Variants in WIPF1 observed in about 807,000 individuals in gnomAD.
WIPF1 encodes the protein WAS/WASL interacting protein family member 1.
In WIPF1, 13 loss-of-function variants were observed where a neutral mutation model predicts 35.4. The observed-to-expected ratio is 0.37, with a 90% CI of 0.24 to 0.58. The LOEUF is 0.58. Among genes scored for constraint, WIPF1 ranks in the 20% least tolerant of loss-of-function variants. WIPF1 has a pLI of 0.74. For synonymous variants in WIPF1, 267 were observed against 266.3 expected, an observed-to-expected ratio of 1.00 and a Z score of -0.02; for missense variants, 591 against 667.0, an observed-to-expected ratio of 0.89 and a Z score of 1.25.
At chr2:174,680,745 C>G (rs1351902398) in intron 1 of WIPF1, among the ~76,000 whole-genome samples, 8 of 152,176 alleles carry the variant, frequency 5.3e-5, no homozygotes, top group East Asian at 1.9e-4. Flanking sequence ...ACTACCCTCT[C>G]TTCACCACCC....
chr2:174,603,735 G>C (rs1321262383), intron 1 of WIPF1, among the ~76,000 whole-genome samples: 1 of 152,170 alleles, frequency 6.6e-6, no homozygotes, highest in Non-Finnish European at 1.5e-5. Context: ...AGATGGGTGA[G>C]AGTCAAATAA....
intron 1 of WIPF1, among the ~76,000 whole-genome samples, chr2:174,650,047 G>A (rs140678526): frequency 3.2e-4 from 48 of 152,284 alleles, no homozygotes; most frequent in African/African-American, 1.1e-3. Context: ...CCAAGCTGAT[G>A]AAGTAAAGAT....
intron 1 of WIPF1, among the ~76,000 whole-genome samples, chr2:174,647,682 G>A (rs1687440438): frequency 1.3e-5 from 2 of 148,278 alleles, no homozygotes; most frequent in Admixed American, 1.3e-4. Flanking sequence ...AACGGCATAT[G>A]AATTACATCT....
intron 1 of WIPF1, among the ~76,000 whole-genome samples, chr2:174,596,397 T>C (rs1254895298): frequency 6.6e-6 from 1 of 152,204 alleles, no homozygotes; most frequent in Admixed American, 6.5e-5. Flanking sequence ...TCCAAGTGAA[T>C]TGTAAGAGTA....
chr2:174,615,213 A>G (rs938910013), intron 1 of WIPF1, among the ~76,000 whole-genome samples: 1 of 152,228 alleles, frequency 6.6e-6, no homozygotes, highest in African/African-American at 2.4e-5. Flanking sequence ...GGCTTAAAAA[A>G]AAATAAAGTT....
intron 3 of WIPF1, among the ~76,000 whole-genome samples, chr2:174,576,248 A>AG (rs2105818499): frequency 6.7e-6 from 1 of 149,986 alleles, no homozygotes; most frequent in East Asian, 1.9e-4. Flanking sequence ...AAAAAAAAAA[A>AG]ACACTAAGCA....
In WIPF1 at chr2:174,633,805, C is replaced by T. The variant is rs897377643; in HGVS notation, c.-38-48194G>A. ...ACCGTCACACCTCACGGCCTCTTCA[C>T]GGCCTGCTGGGCTTTGCTCTGGGCT... On this transcript the variant is annotated intron_variant, in intron 1 of 8. Transcript: ENST00000272746. 2.6e-5 allele frequency among the ~76,000 whole-genome samples: 4 copies of T among 152,166 alleles called. No homozygotes were observed. In the East Asian group the frequency reaches 5.8e-4, roughly 22 times the overall value.
intron 1 of WIPF1, among the ~76,000 whole-genome samples, chr2:174,612,742 G>T (rs1686391473): frequency 6.6e-6 from 1 of 151,480 alleles, no homozygotes; most frequent in African/African-American, 2.4e-5. Context: ...TCCATTATTA[G>T]TATATCTTAC....
chr2:174,570,502 C>G (rs368813484), intron 5 of WIPF1: 2 of 152,124 alleles, frequency 1.3e-5, no homozygotes, highest in South Asian at 4.1e-4. Flanking sequence ...AAGATTTAAT[C>G]TGCTGACTCA....
intron 1 of WIPF1, among the ~76,000 whole-genome samples, chr2:174,649,279 TTTA>T (rs368908444): frequency 6.6e-6 from 1 of 152,198 alleles, no homozygotes; most frequent in African/African-American, 2.4e-5. Context: ...TTTCCTGTGT[TTTA>T]TTATGTTTGA....
chr2:174,567,721 G>A (rs1684705311), intron 6 of WIPF1, 140 bp downstream of exon 6: 14 of 895,332 alleles, frequency 1.6e-5, no homozygotes. Context: ...GCCTTAGAAT[G>A]GTTAGATAGT....
At chr2:174,641,761 G>C (rs1358272913) in intron 1 of WIPF1, among the ~76,000 whole-genome samples, 11 of 152,188 alleles carry the variant, frequency 7.2e-5, no homozygotes, top group Non-Finnish European at 2.9e-5. Context: ...ATGCTGCACT[G>C]ACTTTTTTCA....
intron 1 of WIPF1, among the ~76,000 whole-genome samples, chr2:174,624,475 A>G (rs1185133018): frequency 1.3e-5 from 2 of 152,194 alleles, no homozygotes; most frequent in Admixed American, 6.5e-5. Context: ...AGAACCAGTG[A>G]ACTAGGGACA....
At position 174,562,520 on chromosome 2, in the gene WIPF1, G is replaced by A. The variant is rs1684512357; in HGVS notation, c.*27C>T. Reference sequence around the variant, plus strand: ...AGATAGCAACAGAAGCAGCTCTTGAGCTTGGGTAGAGAAGAGCAGGCAAAG... The same window carrying A: ...AGATAGCAACAGAAGCAGCTCTTGAACTTGGGTAGAGAAGAGCAGGCAAAG... On this transcript the variant is annotated 3_prime_UTR_variant, in exon 8 of 8. Coordinates refer to ENST00000679041, the MANE Select transcript of WIPF1 (RefSeq NM_001375834.1). 1.9e-6 allele frequency: 3 copies of A among 1,614,066 alleles called. No individual in the cohort carries two copies. Among genetic ancestry groups the A allele is most frequent in the Admixed American group, 3.3e-5 (2 of 60,006 alleles).
rs1038065940 is a variant in WIPF1, at chr2:174,575,514, G to A, written c.182-134C>T. 3 of 1,434,648 alleles carry A rather than the reference G, an allele frequency of 2.1e-6. No homozygotes were observed. In the African/African-American group the frequency reaches 4.3e-5, roughly 21 times the overall value. 88.9% of individuals were successfully genotyped at this position (1,434,648 alleles called of 1,614,324 possible). ...ACTGGGATTTCTTCATTAAAATGCA[G>A]GATTTTAAGAGTTCCCTCAGCTCAG... is the stretch of plus-strand genomic sequence containing the variant. On this transcript the variant is annotated intron_variant, in intron 3 of 7. Coordinates refer to ENST00000679041, the MANE Select transcript of WIPF1 (RefSeq NM_001375834.1).
intron 3 of WIPF1, among the ~76,000 whole-genome samples, chr2:174,579,201 G>A (rs1685158956): frequency 6.6e-6 from 1 of 152,130 alleles, no homozygotes; most frequent in Non-Finnish European, 1.5e-5. Flanking sequence ...ATTTTTAATA[G>A]AGATGGGGTT....
intron 1 of WIPF1, among the ~76,000 whole-genome samples, chr2:174,667,542 G>C (rs1271059493): frequency 1.3e-5 from 2 of 152,168 alleles, no homozygotes; most frequent in African/African-American, 4.8e-5. Flanking sequence ...TGCCTGTGAG[G>C]ATCCCTGGTC....
chr2:174,669,692 T>C (rs181695934), intron 1 of WIPF1, among the ~76,000 whole-genome samples: 9 of 152,220 alleles, frequency 5.9e-5, no homozygotes, highest in African/African-American at 1.2e-4. Context: ...CTGGCCAACA[T>C]AGCAATACTC....
At chr2:174,666,609 A>G (rs545341689) in intron 1 of WIPF1, among the ~76,000 whole-genome samples, 4 of 152,350 alleles carry the variant, frequency 2.6e-5, no homozygotes, top group African/African-American at 9.6e-5. Context: ...TTCTGCACCC[A>G]GCTCAGTGCC....
Sources: allele counts gnomAD v4.1 joint callset (sites outside exome capture counted in the v4.1 genomes callset), GRCh38; gene constraint gnomAD v4.1.1; transcripts MANE v1.5; gene names NCBI Gene and HGNC (gene_info 2026-07-23, HGNC 2026-07-21).